The following SLC9A9 variants were observed in gnomAD, a reference collection of about 807,000 sequenced individuals.
The protein encoded by SLC9A9 is sodium/hydrogen exchanger 9.
Under a neutral mutation model 77.8 loss-of-function variants are expected in SLC9A9, and 62 were observed. That is an observed-to-expected ratio of 0.80 (90% CI 0.65 to 0.98). SLC9A9 has a LOEUF of 0.98. Ranked by LOEUF, SLC9A9 falls within the 50% of genes least tolerant of loss-of-function variation. The pLI is 0.00. For missense variants in SLC9A9, 775 were observed against 774.9 expected, an observed-to-expected ratio of 1.00 and a Z score of 0.00; for synonymous variants, 320 against 283.5, an observed-to-expected ratio of 1.13 and a Z score of -1.29.
At chr3:143,711,709 G>T (rs868369852) in intron 4 of SLC9A9, among the ~76,000 whole-genome samples, 1 of 151,708 alleles carries the variant, frequency 6.6e-6, no homozygotes, top group African/African-American at 2.4e-5. Context: ...ATAGGCATGA[G>T]CCACAGCTCC....
intron 4 of SLC9A9, among the ~76,000 whole-genome samples, chr3:143,699,411 A>G (rs1368677183): frequency 6.6e-6 from 1 of 152,150 alleles, no homozygotes; most frequent in Non-Finnish European, 1.5e-5. Flanking sequence ...TAGCTAAAAG[A>G]GGTACTGAGG....
At chr3:143,290,509 G>A (rs1384400147) in intron 14 of SLC9A9, among the ~76,000 whole-genome samples, 2 of 152,186 alleles carry the variant, frequency 1.3e-5, no homozygotes, top group East Asian at 3.8e-4. Flanking sequence ...ACTGCCTGCA[G>A]GCCTCCATAT....
intron 4 of SLC9A9, among the ~76,000 whole-genome samples, chr3:143,710,634 C>A (rs1934117412): frequency 6.6e-6 from 1 of 152,200 alleles, no homozygotes; most frequent in East Asian, 1.9e-4. Context: ...CTTGGTCACA[C>A]TGAACCTGGT....
chr3:143,668,414 G>A (rs187982006), intron 5 of SLC9A9, among the ~76,000 whole-genome samples: 35 of 152,082 alleles, frequency 2.3e-4, no homozygotes, highest in African/African-American at 8.2e-4. Flanking sequence ...ACACCAACAT[G>A]GCGCATGTAT....
intron 1 of SLC9A9, among the ~76,000 whole-genome samples, chr3:143,837,644 C>T (rs1462772682): frequency 1.3e-5 from 2 of 152,210 alleles, no homozygotes; most frequent in African/African-American, 4.8e-5. Flanking sequence ...CTGTCCACCC[C>T]TCCACACATA....
chr3:143,554,291 G>A (rs1472375813), intron 8 of SLC9A9, among the ~76,000 whole-genome samples: 2 of 152,158 alleles, frequency 1.3e-5, no homozygotes, highest in Non-Finnish European at 2.9e-5. Flanking sequence ...TTACTGCAGT[G>A]AGTTACTATC....
intron 9 of SLC9A9, chr3:143,503,602 G>A: frequency 2.3e-6 from 1 of 442,764 alleles, no homozygotes. Context: ...GAGCTTCCTG[G>A]TTCAGCTCAG....
chr3:143,504,438 C>T (rs930602230), intron 9 of SLC9A9, among the ~76,000 whole-genome samples: 1 of 152,118 alleles, frequency 6.6e-6, no homozygotes, highest in Admixed American at 6.5e-5. Flanking sequence ...AGAGGTGGCA[C>T]AGGAGATGAA....
At chr3:143,345,108 A>G (rs2032221618) in intron 14 of SLC9A9, among the ~76,000 whole-genome samples, 2 of 152,232 alleles carry the variant, frequency 1.3e-5, no homozygotes, top group African/African-American at 4.8e-5. Flanking sequence ...GGTTTTGGAT[A>G]TAATGACTGT....
rs577863252 is a variant in SLC9A9, at chr3:143,841,899, A to T, written c.175+6249T>A. Among the ~76,000 whole-genome samples, 320 of 152,086 alleles carry T rather than the reference A, an allele frequency of 2.1e-3. 1 individual carries two copies. In the Middle Eastern group the frequency reaches 0.024, roughly 11 times the overall value. On this transcript the variant is annotated intron_variant, in intron 1 of 15. Coordinates refer to ENST00000316549, the MANE Select transcript of SLC9A9 (RefSeq NM_173653.4). ...CTCCCGAGTAGCTCGGATTACAGGCATCCGCCACTATACCTGGCTAATTTT... is the reference window on the plus strand; with the variant it reads ...CTCCCGAGTAGCTCGGATTACAGGCTTCCGCCACTATACCTGGCTAATTTT...
chr3:143,502,290 T>A (rs1338529687), intron 9 of SLC9A9, among the ~76,000 whole-genome samples: 1 of 151,380 alleles, frequency 6.6e-6, no homozygotes, highest in East Asian at 1.9e-4. Context: ...AAGTTAATAG[T>A]GCAAACAAGA....
At chr3:143,721,793 G>A (rs933664537) in intron 4 of SLC9A9, among the ~76,000 whole-genome samples, 8 of 152,132 alleles carry the variant, frequency 5.3e-5, no homozygotes, top group Non-Finnish European at 1.0e-4. Context: ...TAGCCACATG[G>A]TAACAACTCA....
intron 14 of SLC9A9, among the ~76,000 whole-genome samples, chr3:143,328,623 T>C (rs2031675882): frequency 6.6e-6 from 1 of 152,202 alleles, no homozygotes; most frequent in African/African-American, 2.4e-5. Flanking sequence ...ACCCTCCACC[T>C]GGAAGTAATT....
chr3:143,382,551 TAG>T (rs2033332101), intron 12 of SLC9A9, among the ~76,000 whole-genome samples: 1 of 152,170 alleles, frequency 6.6e-6, no homozygotes, highest in African/African-American at 2.4e-5. Flanking sequence ...AACGTTTTTC[TAG>T]AGACTCCCCA....
chr3:143,622,887 C>T (rs1426834279), intron 6 of SLC9A9, among the ~76,000 whole-genome samples: 1 of 152,140 alleles, frequency 6.6e-6, no homozygotes. Context: ...TACAGAGACA[C>T]ACATAGGCTC....
intron 12 of SLC9A9, among the ~76,000 whole-genome samples, chr3:143,454,830 C>A (rs2035061853): frequency 6.6e-6 from 1 of 152,194 alleles, no homozygotes; most frequent in African/African-American, 2.4e-5. Context: ...GGTATTATTC[C>A]CAGCTCCCAG....
At chr3:143,559,083 C>T (rs937033302) in intron 8 of SLC9A9, among the ~76,000 whole-genome samples, 2 of 152,174 alleles carry the variant, frequency 1.3e-5, no homozygotes, top group African/African-American at 2.4e-5. Context: ...CTCTCTCCTG[C>T]CGCCCTGAGA....
In SLC9A9 at chr3:143,606,432, CTCTCTATATATATA is replaced by C. The variant is rs1424112901; in HGVS notation, c.756-27723_756-27710del. 5.8e-3 allele frequency among the ~76,000 whole-genome samples: 338 copies of C among 58,712 alleles called. 2 individuals carry two copies. Among genetic ancestry groups the C allele is most frequent in the African/African-American group, 0.022 (323 of 14,626 alleles). 38.5% of individuals were successfully genotyped at this position (58,712 alleles called of 152,430 possible). A position where few individuals can be genotyped will look rare whatever the true frequency, so the allele number is the denominator to read the frequency against. ...TCTCTCTCTCTCTCTCTCTCTCTCT[CTCTCTATATATATA>C]TATATATATATATATGTATATAAAA... On this transcript the variant is annotated intron_variant, in intron 6 of 15. Coordinates refer to ENST00000316549, the MANE Select transcript of SLC9A9 (RefSeq NM_173653.4).
At chr3:143,499,476 T>C (rs1268536885) in intron 9 of SLC9A9, among the ~76,000 whole-genome samples, 2 of 152,158 alleles carry the variant, frequency 1.3e-5, no homozygotes, top group Non-Finnish European at 2.9e-5. Context: ...ATTTTTAAAA[T>C]TGACCTAGTA....
Sources: gnomAD v4.1 joint callset for allele counts (sites outside exome capture counted in the v4.1 genomes callset) on GRCh38, gnomAD v4.1.1 for gene constraint, MANE v1.5 for transcripts, NCBI Gene and HGNC (gene_info 2026-07-23, HGNC 2026-07-21) for gene names.